The following WBP2NL variants were observed in gnomAD, a reference collection of about 807,000 sequenced individuals.
The protein encoded by WBP2NL is WBP2 N-terminal like.
WBP2NL carries 27 observed loss-of-function variants against 23.3 expected under a neutral mutation model. That is an observed-to-expected ratio of 1.16 (90% confidence interval 0.85 to 1.60). The LOEUF is 1.60. Among genes scored for constraint, WBP2NL ranks in the 40% most tolerant of loss-of-function variants. The pLI is 0.00. For missense variants in WBP2NL, 370 were observed against 389.5 expected, an observed-to-expected ratio of 0.95 and a Z score of 0.42; for synonymous variants, 151 against 145.9, an observed-to-expected ratio of 1.03 and a Z score of -0.25.
In WBP2NL at chr22:42,005,592, C is replaced by T. The variant is rs542321703; in HGVS notation, c.62+6712C>T. 2.8e-4 allele frequency among the ~76,000 whole-genome samples: 43 copies of T among 152,294 alleles called. 1 individual carries two copies. In the South Asian group the frequency reaches 5.2e-3, roughly 18 times the overall value. ...ATTAATTTGTGAGGAAAAAATTCAT[C>T]TTGTTCATGCCCTAATTGAAGAGAA... On this transcript the variant is annotated intron_variant, in intron 1 of 5. Transcript: ENST00000328823.
chr22:41,999,976 T>A (rs1921442996), intron 1 of WBP2NL, among the ~76,000 whole-genome samples: 2 of 152,096 alleles, frequency 1.3e-5, no homozygotes, highest in African/African-American at 4.8e-5. Context: ...TGCGCTCACC[T>A]CTTTACCCCA....
intron 1 of WBP2NL, among the ~76,000 whole-genome samples, chr22:42,006,857 G>A (rs1246731509): frequency 6.6e-6 from 1 of 152,184 alleles, no homozygotes; most frequent in Admixed American, 6.6e-5. Flanking sequence ...TCTGACCCCA[G>A]CTGAGAAGTC....
intron 4 of WBP2NL, among the ~76,000 whole-genome samples, chr22:42,020,303 G>A (rs1217200920): frequency 1.3e-5 from 2 of 152,054 alleles, no homozygotes; most frequent in Non-Finnish European, 2.9e-5. Context: ...GCCTCCCGAA[G>A]TGCTGGGGTT....
At chr22:42,045,257 T>C (rs1439575703) in intron 8 of WBP2NL, among the ~76,000 whole-genome samples, 1 of 151,858 alleles carries the variant, frequency 6.6e-6, no homozygotes, top group African/African-American at 2.4e-5. Flanking sequence ...GCCAACATGG[T>C]GAAACCCCGT....
rs565049802 is a variant in WBP2NL at position 42,018,013 on chromosome 22, G to C, written c.63-1298G>C. Among the ~76,000 whole-genome samples, 4 of 152,162 alleles carry C rather than the reference G, an allele frequency of 2.6e-5. No homozygotes were observed. In the South Asian group the frequency reaches 6.2e-4, roughly 24 times the overall value. On this transcript the variant is annotated intron_variant, in intron 1 of 5. Coordinates refer to ENST00000328823, the MANE Select transcript of WBP2NL (RefSeq NM_152613.3). ...AAAAATACAAAAATTAGCCTGGCAT[G>C]GTGGCAGGCGACTTAATCCCAGCTA...
In WBP2NL at chr22:42,028,332, T is replaced by C. The variant is rs1005908703; in HGVS notation, c.*1151T>C. 1.4e-4 allele frequency: 48 copies of C among 337,632 alleles called. No homozygotes were observed. Among genetic ancestry groups the C allele is most frequent in the Non-Finnish European group, 2.4e-4 (45 of 190,170 alleles). 20.9% of individuals were successfully genotyped at this position (337,632 alleles called of 1,614,324 possible). ...TTATATTTTATAACAAACGTTTATA[T>C]TTGTATATTTATAACAAATATTTTG... On this transcript the variant is annotated 3_prime_UTR_variant, in exon 6 of 6. Coordinates refer to ENST00000328823, the MANE Select transcript of WBP2NL (RefSeq NM_152613.3).
At chr22:42,039,296 G>A (rs190351328) in intron 8 of WBP2NL, among the ~76,000 whole-genome samples, 65 of 150,332 alleles carry the variant, frequency 4.3e-4, no homozygotes, top group Non-Finnish European at 7.7e-4. Flanking sequence ...GGCTGGTGTC[G>A]AACTCCTGAC....
Position 42,042,544 on chromosome 22 carries a change from C to G in WBP2NL, c.*273+11721C>G, listed in dbSNP as rs1048690186. On this transcript the variant is annotated intron_variant and NMD_transcript_variant, in intron 8 of 8. Transcript: ENST00000436265. Reference sequence around the variant, plus strand: ...TCTTTGCTGAACTTCTCATTTCATTCTTGTATTCTTTTCCTGATTTCATTA... The same window carrying G: ...TCTTTGCTGAACTTCTCATTTCATTGTTGTATTCTTTTCCTGATTTCATTA... 5.9e-5 allele frequency among the ~76,000 whole-genome samples: 9 copies of G among 152,196 alleles called. No homozygotes were observed. The East Asian group carries it at 1.5e-3, about 26-fold the overall frequency.
At chr22:42,049,058 C>G (rs1010794346) in intron 8 of WBP2NL, among the ~76,000 whole-genome samples, 2 of 152,148 alleles carry the variant, frequency 1.3e-5, no homozygotes, top group Non-Finnish European at 2.9e-5. Flanking sequence ...TCACAAATGA[C>G]CAACACAATA....
At chr22:42,032,977 G>T, downstream of WBP2NL, 1 of 184,126 alleles carries the variant, frequency 5.4e-6, no homozygotes. Context: ...AGAAACCTCT[G>T]TGGACAAGTG....
intron 1 of WBP2NL, among the ~76,000 whole-genome samples, chr22:42,008,555 C>G (rs1049283917): frequency 6.6e-6 from 1 of 151,774 alleles, no homozygotes; most frequent in Admixed American, 6.6e-5. Flanking sequence ...AAAGTGATGT[C>G]TCATTGTGGT....
chr22:42,039,875 C>T (rs986715153), intron 8 of WBP2NL, among the ~76,000 whole-genome samples: 2 of 148,286 alleles, frequency 1.3e-5, no homozygotes, highest in African/African-American at 4.9e-5. Context: ...GAGTTTGTTC[C>T]TCTTTTTCTA....
intron 8 of WBP2NL, among the ~76,000 whole-genome samples, chr22:42,041,506 T>C: frequency 7.7e-6 from 1 of 129,714 alleles, no homozygotes; most frequent in Admixed American, 7.2e-5. Context: ...AAAAAAAAAG[T>C]CTGTTTTGTC....
downstream of WBP2NL, among the ~76,000 whole-genome samples, chr22:42,029,378 AT>A (rs569471092): frequency 0.012 from 1,729 of 143,286 alleles, 33 homozygotes; most frequent in African/African-American, 0.041. Flanking sequence ...TTTTCTATGC[AT>A]TTTTTTTTTT....
downstream of WBP2NL, among the ~76,000 whole-genome samples, chr22:42,034,710 C>A (rs1006576834): frequency 2.6e-5 from 4 of 152,126 alleles, no homozygotes; most frequent in Admixed American, 2.6e-4. Context: ...GACAGGTACG[C>A]CCCGGGGGGG....
At chr22:42,026,165 G>A (rs1258881554) in intron 5 of WBP2NL, among the ~76,000 whole-genome samples, 2 of 151,664 alleles carry the variant, frequency 1.3e-5, no homozygotes, top group African/African-American at 2.4e-5. Flanking sequence ...CCAGCTACTC[G>A]GGAGGCTGAG....
chr22:42,001,246 C>A, intron 1 of WBP2NL: 1 of 694,238 alleles, frequency 1.4e-6, no homozygotes. Context: ...ATCCTGACTG[C>A]ATCATCATGT....
At chr22:42,015,815 A>G (rs1012250413) in intron 1 of WBP2NL, among the ~76,000 whole-genome samples, 3 of 152,068 alleles carry the variant, frequency 2.0e-5, no homozygotes, top group Admixed American at 1.3e-4. Context: ...CTGGACATGT[A>G]TGTGTATGGC....
chr22:42,047,789 CTTT>C (rs913097769), intron 8 of WBP2NL, among the ~76,000 whole-genome samples: 1 of 146,412 alleles, frequency 6.8e-6, no homozygotes, highest in African/African-American at 2.7e-5. Context: ...ACCTGGCTAA[CTTT>C]TTATATTTTT....
Sources: gnomAD v4.1 joint callset for allele counts (sites outside exome capture counted in the v4.1 genomes callset) on GRCh38, gnomAD v4.1.1 for gene constraint, MANE v1.5 for transcripts, NCBI Gene and HGNC (gene_info 2026-07-23, HGNC 2026-07-21) for gene names.